Variants in ZNF536 observed in about 807,000 individuals in gnomAD.
ZNF536 encodes the protein zinc finger protein 536.
A neutral mutation model predicts 84.5 loss-of-function variants in ZNF536; 13 were observed. The ratio of observed to expected loss-of-function variants is 0.15; its 90% CI spans 0.10 to 0.24. The LOEUF (loss-of-function observed/expected upper bound fraction) is 0.24. Ranked by LOEUF, ZNF536 falls within the 10% of genes least tolerant of loss-of-function variation. The pLI is 1.00. For synonymous variants in ZNF536, 811 were observed against 742.5 expected (o/e 1.09, Z -1.50); for missense variants, 1,536 against 1,747.5 (o/e 0.88, Z 2.16).
At chr19:30,249,147 G>A (rs762803683) in intron 1 of ZNF536, among the ~76,000 whole-genome samples, 8 of 152,120 alleles carry the variant, frequency 5.3e-5, no homozygotes, top group Non-Finnish European at 8.8e-5. Context: ...ACCCTTTCTT[G>A]AGTTTTCCTA....
At chr19:30,340,604 C>G (rs2047535677) in intron 2 of ZNF536, among the ~76,000 whole-genome samples, 1 of 152,184 alleles carries the variant, frequency 6.6e-6, no homozygotes, top group Non-Finnish European at 1.5e-5. Context: ...CCCCGTGGAT[C>G]AGGGCTCAGA....
chr19:30,673,819 TCTC>T (rs1402273903), intron 1 of ZNF536, among the ~76,000 whole-genome samples: 1 of 152,238 alleles, frequency 6.6e-6, no homozygotes, highest in African/African-American at 2.4e-5. Context: ...ACAGCCTTTT[TCTC>T]CTACGTTGTC....
At chr19:30,230,804 G>T (rs925793676) in intron 1 of ZNF536, among the ~76,000 whole-genome samples, 1 of 152,150 alleles carries the variant, frequency 6.6e-6, no homozygotes, top group Admixed American at 6.5e-5. Flanking sequence ...TTACTTTTGA[G>T]CAAGAGAAGC....
intron 1 of ZNF536, among the ~76,000 whole-genome samples, chr19:30,571,442 T>C (rs2046541941): frequency 6.6e-6 from 1 of 152,188 alleles, no homozygotes; most frequent in Non-Finnish European, 1.5e-5. Context: ...CAAAGCCCTC[T>C]TCAGTGAGGA....
chr19:30,436,472 C>CAAA (rs34138701), intron 1 of ZNF536: 1 of 873,466 alleles, frequency 1.1e-6, no homozygotes, highest in South Asian at 5.2e-5. Context: ...TGTAAGAGAT[C>CAAA]AAAAAAAAAA....
intron 1 of ZNF536, among the ~76,000 whole-genome samples, chr19:30,656,659 C>T (rs1275204028): frequency 6.6e-6 from 1 of 152,212 alleles, no homozygotes; most frequent in African/African-American, 2.4e-5. Flanking sequence ...GTCTGTGACA[C>T]CTCACTGTCT....
intron 1 of ZNF536, among the ~76,000 whole-genome samples, chr19:30,440,536 G>A (rs1161192234): frequency 6.6e-6 from 1 of 152,162 alleles, no homozygotes; most frequent in Non-Finnish European, 1.5e-5. Context: ...TAGGACCCAA[G>A]GCTTCATCCT....
intron 2 of ZNF536, among the ~76,000 whole-genome samples, chr19:30,286,809 G>T (rs2045647869): frequency 6.6e-6 from 1 of 152,142 alleles, no homozygotes. Flanking sequence ...GAGGAATAAA[G>T]CTTCTGTCAT....
intron 1 of ZNF536, among the ~76,000 whole-genome samples, chr19:30,706,191 C>A (rs77542661): frequency 0.022 from 3,371 of 152,172 alleles, 119 homozygotes; most frequent in African/African-American, 0.074. Context: ...ATCGAAAGTA[C>A]AATAGACAGT....
chr19:30,456,810 G>C (rs1409632989), intron 2 of ZNF536, among the ~76,000 whole-genome samples: 2 of 152,132 alleles, frequency 1.3e-5, no homozygotes, highest in Non-Finnish European at 2.9e-5. Context: ...GGGAAGCCAA[G>C]GTGGGCAGAT....
chr19:30,344,848 A>G (rs1032375858), intron 2 of ZNF536, among the ~76,000 whole-genome samples: 3 of 152,206 alleles, frequency 2.0e-5, no homozygotes, highest in Non-Finnish European at 2.9e-5. Context: ...CTTAGTGACC[A>G]GACCCAGGCT....
chr19:30,420,630 C>G (rs1568411451), intron 1 of ZNF536, among the ~76,000 whole-genome samples: 1 of 152,048 alleles, frequency 6.6e-6, no homozygotes, highest in African/African-American at 2.4e-5. Flanking sequence ...TCAGGAAAAA[C>G]AAAATCTTTT....
intron 1 of ZNF536, among the ~76,000 whole-genome samples, chr19:30,667,625 C>CTT (rs57656065): frequency 8.9e-5 from 11 of 124,026 alleles, no homozygotes; most frequent in East Asian, 5.0e-4. Context: ...TTTTTTCTAG[C>CTT]TTTTTTTTTT....
chr19:30,657,758 G>T, intron 1 of ZNF536, among the ~76,000 whole-genome samples: 1 of 152,096 alleles, frequency 6.6e-6, no homozygotes, highest in African/African-American at 2.4e-5. Context: ...CTCAAAACTT[G>T]CAGTTATCCT....
At chr19:30,601,501 C>T (rs1231182241) in intron 1 of ZNF536, among the ~76,000 whole-genome samples, 1 of 152,164 alleles carries the variant, frequency 6.6e-6, no homozygotes, top group Non-Finnish European at 1.5e-5. Flanking sequence ...CATATGGCTT[C>T]AGGGACTGCA....
At chr19:30,516,374 A>T (rs1188718196) in intron 2 of ZNF536, among the ~76,000 whole-genome samples, 2 of 152,178 alleles carry the variant, frequency 1.3e-5, no homozygotes, top group African/African-American at 4.8e-5. Flanking sequence ...CTCCATGAAT[A>T]TTTGCTGGCT....
intron 3 of ZNF536, among the ~76,000 whole-genome samples, chr19:30,537,864 C>T (rs1007085351): frequency 6.6e-6 from 1 of 152,198 alleles, no homozygotes; most frequent in Admixed American, 6.5e-5. Flanking sequence ...CACACCACCT[C>T]CACCACCCCT....
chr19:30,660,658 G>T (rs1049114580), intron 1 of ZNF536, among the ~76,000 whole-genome samples: 1 of 152,112 alleles, frequency 6.6e-6, no homozygotes, highest in Non-Finnish European at 1.5e-5. Context: ...TCTTCTCATT[G>T]AATATATATT....
chr19:30,527,152 T>A (rs1394413068), intron 2 of ZNF536, among the ~76,000 whole-genome samples: 1 of 151,232 alleles, frequency 6.6e-6, no homozygotes, highest in African/African-American at 2.4e-5. Context: ...CTCCTGACCT[T>A]GTGGTCTGCC....
Sources: gnomAD v4.1 joint callset for allele counts (sites outside exome capture counted in the v4.1 genomes callset) on GRCh38, gnomAD v4.1.1 for gene constraint, MANE v1.5 for transcripts, NCBI Gene and HGNC (gene_info 2026-07-23, HGNC 2026-07-21) for gene names.